Variants in BANK1 observed in about 807,000 individuals in gnomAD.
The protein encoded by BANK1 is B-cell scaffold protein with ankyrin repeats.
In BANK1, 95 loss-of-function variants were observed where a neutral mutation model predicts 94.5. The ratio of observed to expected loss-of-function variants is 1.00; its 90% CI spans 0.85 to 1.19. The LOEUF (loss-of-function observed/expected upper bound fraction) is 1.19, where lower values mean the gene tolerates loss of function less well. Among genes scored for constraint, BANK1 ranks in the 50% most tolerant of loss-of-function variants. BANK1 has a pLI of 0.00. For missense variants in BANK1, 987 were observed against 932.2 expected, an observed-to-expected ratio of 1.06 and a Z score of -0.77; for synonymous variants, 334 against 308.4, an observed-to-expected ratio of 1.08 and a Z score of -0.87.
intron 9 of BANK1, among the ~76,000 whole-genome samples, chr4:102,027,895 G>T (rs1053764378): frequency 1.3e-5 from 2 of 152,054 alleles, no homozygotes; most frequent in African/African-American, 4.8e-5. Context: ...TGTGTCAGTT[G>T]CTTCTATTAA....
At chr4:102,032,897 T>TAAA (rs60615473) in intron 10 of BANK1, among the ~76,000 whole-genome samples, 1 of 145,116 alleles carries the variant, frequency 6.9e-6, no homozygotes, top group East Asian at 2.0e-4. Context: ...AATATAAAAA[T>TAAA]AAAAAAAAAA....
At chr4:102,013,909 TC>T (rs1235485485) in intron 7 of BANK1, among the ~76,000 whole-genome samples, 1 of 152,110 alleles carries the variant, frequency 6.6e-6, no homozygotes, top group African/African-American at 2.4e-5. Context: ...TCGAGTGTTT[TC>T]TATGTACAAA....
At chr4:101,842,994 T>C (rs571125589) in intron 2 of BANK1, among the ~76,000 whole-genome samples, 1 of 152,368 alleles carries the variant, frequency 6.6e-6, no homozygotes, top group South Asian at 2.1e-4. Flanking sequence ...AAATGAGCTT[T>C]AGAAAGTTTT....
At chr4:102,066,391 A>G (rs982680373) in intron 13 of BANK1, among the ~76,000 whole-genome samples, 1 of 151,206 alleles carries the variant, frequency 6.6e-6, no homozygotes, top group Non-Finnish European at 1.5e-5. Context: ...CGAGTAGCTG[A>G]GACTACAGGC....
At chr4:101,831,739 T>C (rs180943429) in intron 2 of BANK1, among the ~76,000 whole-genome samples, 157 of 152,316 alleles carry the variant, frequency 1.0e-3, no homozygotes, top group African/African-American at 3.5e-3. Flanking sequence ...CCTCCTAAAG[T>C]GTTGGGATTA....
At chr4:101,873,681 TTAGA>T (rs1197455519) in intron 5 of BANK1, among the ~76,000 whole-genome samples, 1 of 152,178 alleles carries the variant, frequency 6.6e-6, no homozygotes, top group Admixed American at 6.5e-5. Flanking sequence ...TTCATCTTTG[TTAGA>T]TAAACACTGA....
At chr4:102,019,289 A>G (rs1354240915) in intron 7 of BANK1, among the ~76,000 whole-genome samples, 1 of 152,230 alleles carries the variant, frequency 6.6e-6, no homozygotes, top group East Asian at 1.9e-4. Flanking sequence ...TAGTAGGCCT[A>G]CAAAAATATT....
chr4:101,898,860 AAG>A (rs1412561967), intron 6 of BANK1, among the ~76,000 whole-genome samples: 3 of 152,068 alleles, frequency 2.0e-5, no homozygotes, highest in Non-Finnish European at 4.4e-5. Flanking sequence ...GGGTGGAAAT[AAG>A]AGGGAAAATA....
chr4:102,009,567 A>C (rs1726415775), intron 7 of BANK1, among the ~76,000 whole-genome samples: 1 of 152,180 alleles, frequency 6.6e-6, no homozygotes, highest in Non-Finnish European at 1.5e-5. Context: ...GACTTGCCAC[A>C]TTCCTCCTTG....
chr4:101,952,328 T>C (rs1184865650), intron 7 of BANK1, among the ~76,000 whole-genome samples: 1 of 152,154 alleles, frequency 6.6e-6, no homozygotes, highest in African/African-American at 2.4e-5. Context: ...GAGAACTTAT[T>C]GTAAATCAAA....
intron 7 of BANK1, among the ~76,000 whole-genome samples, chr4:102,012,475 CAACAATATA>C (rs1323248602): frequency 1.1e-4 from 17 of 152,186 alleles, no homozygotes; most frequent in African/African-American, 4.1e-4. Context: ...AATAGATTTG[CAACAATATA>C]AACTTTAAGA....
intron 7 of BANK1, among the ~76,000 whole-genome samples, chr4:101,945,966 T>A (rs1723912921): frequency 6.6e-6 from 1 of 151,956 alleles, no homozygotes; most frequent in Admixed American, 6.6e-5. Context: ...TTTATCCAGA[T>A]ATCATTGGGA....
intron 2 of BANK1, among the ~76,000 whole-genome samples, chr4:101,850,579 G>A (rs959060034): frequency 2.0e-5 from 3 of 151,944 alleles, no homozygotes; most frequent in African/African-American, 7.3e-5. Flanking sequence ...CACCGTGCCC[G>A]GCCTGTGCTT....
At chr4:101,931,822 A>G (rs564017173) in intron 7 of BANK1, among the ~76,000 whole-genome samples, 4 of 151,516 alleles carry the variant, frequency 2.6e-5, no homozygotes, top group Admixed American at 1.3e-4. Flanking sequence ...TGACATGGAG[A>G]GAGGGCTGGA....
intron 5 of BANK1, among the ~76,000 whole-genome samples, chr4:101,890,681 CTA>C (rs1262109039): frequency 6.8e-6 from 1 of 148,116 alleles, no homozygotes; most frequent in Non-Finnish European, 1.5e-5. Context: ...TAAATCCACT[CTA>C]TTTTTTGTTT....
At chr4:101,900,590 G>A (rs1244112213) in intron 6 of BANK1, among the ~76,000 whole-genome samples, 1 of 152,126 alleles carries the variant, frequency 6.6e-6, no homozygotes. Flanking sequence ...TGAAAGTAAG[G>A]ATTGTGGGAC....
intron 7 of BANK1, among the ~76,000 whole-genome samples, chr4:102,016,160 A>G (rs948031871): frequency 2.6e-5 from 4 of 152,184 alleles, no homozygotes; most frequent in African/African-American, 7.2e-5. Flanking sequence ...GAAATTGTCT[A>G]TCCCACCCAC....
chr4:102,063,276 C>CCTG, intron 13 of BANK1, 138 bp downstream of exon 13: 1 of 687,686 alleles, frequency 1.5e-6, no homozygotes. Flanking sequence ...GGGTCTTAAT[C>CCTG]TCTGGTAGTC....
intron 7 of BANK1, among the ~76,000 whole-genome samples, chr4:101,931,512 A>G (rs1329934455): frequency 6.6e-6 from 1 of 151,426 alleles, no homozygotes; most frequent in Non-Finnish European, 1.5e-5. Flanking sequence ...AAACCACACC[A>G]TTGGCTTTCC....
Sources: allele counts gnomAD v4.1 joint callset (sites outside exome capture counted in the v4.1 genomes callset), GRCh38; gene constraint gnomAD v4.1.1; transcripts MANE v1.5; gene names NCBI Gene and HGNC (gene_info 2026-07-23, HGNC 2026-07-21).